Variants in RAB11FIP5 observed in about 807,000 individuals in gnomAD.
RAB11FIP5 encodes RAB11 family interacting protein 5.
In RAB11FIP5, 48 loss-of-function variants were observed where a neutral mutation model predicts 85.1. That is an observed-to-expected ratio of 0.56 (90% CI 0.45 to 0.72). RAB11FIP5 has a LOEUF of 0.72. RAB11FIP5 is among the 30% of genes least tolerant of loss of function. The pLI, the probability that RAB11FIP5 is intolerant of heterozygous loss-of-function variation, is 0.00. For synonymous variants in RAB11FIP5, 729 were observed against 727.3 expected, an observed-to-expected ratio of 1.00 and a Z score of -0.04; for missense variants, 1,491 against 1,687.0, an observed-to-expected ratio of 0.88 and a Z score of 2.04.
rs1416834150 is a variant in RAB11FIP5 at position 73,079,931 on chromosome 2, G to C, written c.3301C>G (p.Pro1101Ala). 3 of 1,232,224 alleles carry C rather than the reference G, an allele frequency of 2.4e-6. No individual in the cohort carries two copies. In the African/African-American group the frequency reaches 4.7e-5, roughly 19 times the overall value. 76.3% of individuals were successfully genotyped at this position (1,232,224 alleles called of 1,614,324 possible). A position where few individuals can be genotyped will look rare whatever the true frequency, so the allele number is the denominator to read the frequency against. Residue 1101 changes from proline (P) to alanine (A), a missense_variant, in exon 4 of 6, where the codon CCA (proline) becomes GCA (alanine). Around this residue, in one of 3 missense-constraint regions of RAB11FIP5, gnomAD observed 48 missense variants for 89.9 expected, o/e 0.53. Transcript: ENST00000486777. ...HSGPEELPTP[P>A]EPDFPPPPLP... ...GGGGGCGGTGGAAAGTCAGGCTCTG[G>C]GGGAGTGGGCAGCTCTTCTGGACCA...
rs754181912 is a variant in RAB11FIP5, at chr2:73,089,240, C to G, written c.507G>C (p.Thr169=). 7 of 1,614,042 alleles carry G rather than the reference C, an allele frequency of 4.3e-6. No homozygotes were observed. The highest frequency in any genetic ancestry group is 5.9e-6 in the Non-Finnish European group (7 of 1,180,042). ...ACATACTGGCGCTCAGGTTGTTGCG[C>G]GTGAACTGGATGGTGACTTCAATCT... ...RGEIEVTIQF[T]RNNLSASMFD... The change falls in exon 2 of 6, where the codon ACG becomes ACC. Residue 169 remains threonine, a synonymous_variant. Transcript: ENST00000486777. The surrounding 1 kb of genome is among the most constrained non-coding windows in gnomAD (Gnocchi z 4.6).
intron 1 of RAB11FIP5, among the ~76,000 whole-genome samples, chr2:73,099,682 A>C (rs1353232260): frequency 6.6e-6 from 1 of 152,190 alleles, no homozygotes. Context: ...AGAGAAACAA[A>C]AACAGCCACA....
At chr2:73,104,524 C>T (rs181355701) in intron 1 of RAB11FIP5, among the ~76,000 whole-genome samples, 3 of 152,320 alleles carry the variant, frequency 2.0e-5, no homozygotes, top group Non-Finnish European at 4.4e-5. Context: ...GCCAAGATCA[C>T]ACCATTGCAC....
intron 1 of RAB11FIP5, among the ~76,000 whole-genome samples, chr2:73,109,321 C>T (rs1157470740): frequency 6.6e-6 from 1 of 152,180 alleles, no homozygotes; most frequent in African/African-American, 2.4e-5. Context: ...CCCCAGCCAC[C>T]ACCATCACAC....
At position 73,089,272 on chromosome 2, in the gene RAB11FIP5, G is replaced by T. The variant is rs145897178; in HGVS notation, c.475C>A (p.Arg159Ser). The T allele has an allele frequency of 3.7e-6, 6 of 1,614,020 alleles. No homozygotes were observed. Among genetic ancestry groups the T allele is most frequent in the Non-Finnish European group, 5.1e-6 (6 of 1,180,036 alleles). The change falls in exon 2 of 6, where the codon CGC becomes AGC. Residue 159 changes from arginine (R) to serine (S), a missense_variant. Physicochemically the swap from Arg to Ser is moderately radical, Grantham distance 110. Coordinates refer to ENST00000486777, the MANE Select transcript of RAB11FIP5 (RefSeq NM_001371272.1). The surrounding 1 kb of genome is among the most constrained non-coding windows in gnomAD (Gnocchi z 4.6). ...TGGATGGTGACTTCAATCTCGCCGC[G>T]TTCCTTCTCCTTCTTGCCTGGCTTG... ...HSKPGKKEKE[R>S]GEIEVTIQFT...
rs1683832260 is a variant in RAB11FIP5, at chr2:73,075,387, A to G, written c.*134T>C. On this transcript the variant is annotated 3_prime_UTR_variant, in exon 6 of 6. Coordinates refer to ENST00000486777, the MANE Select transcript of RAB11FIP5 (RefSeq NM_001371272.1). The surrounding 1 kb of genome is among the most constrained non-coding windows in gnomAD (Gnocchi z 4.6). ...GGCCCCCTTCCAGCAGCCCCAGTTG[A>G]GGCAGGAGGGAGAGGAGCAAGGAGT... The G allele has an allele frequency of 1.1e-6, 1 of 928,574 alleles. No homozygotes were observed. Among genetic ancestry groups the G allele is most frequent in the Admixed American group, 1.8e-5 (1 of 54,990 alleles). The allele number at this position is 928,574 out of a possible 1,614,324, so 57.5% of individuals were successfully genotyped here. A position where few individuals can be genotyped will look rare whatever the true frequency, so the allele number is the denominator to read the frequency against.
chr2:73,098,835 C>T (rs1426550868), intron 1 of RAB11FIP5, among the ~76,000 whole-genome samples: 2 of 152,146 alleles, frequency 1.3e-5, no homozygotes, highest in African/African-American at 2.4e-5. Context: ...ATTTTTGCAA[C>T]AGTAGTACAG....
At chr2:73,100,883 C>A (rs916386843) in intron 1 of RAB11FIP5, among the ~76,000 whole-genome samples, 1 of 152,142 alleles carries the variant, frequency 6.6e-6, no homozygotes, top group African/African-American at 2.4e-5. Flanking sequence ...CAGCTCACTG[C>A]AACCTACGCC....
At chr2:73,091,806 C>CCG (rs1684217972) in intron 1 of RAB11FIP5, among the ~76,000 whole-genome samples, 1 of 152,208 alleles carries the variant, frequency 6.6e-6, no homozygotes, top group Admixed American at 6.5e-5. Flanking sequence ...TGGAGACCTA[C>CCG]TCCGCAGCCT....
In RAB11FIP5 at chr2:73,073,545, A is replaced by G. The variant is rs1200803730; in HGVS notation, c.*1976T>C. The G allele has an allele frequency of 6.6e-6, 1 of 152,496 alleles. No individual in the cohort carries two copies. The highest frequency in any genetic ancestry group is 1.5e-5 in the Non-Finnish European group (1 of 68,062). 9.4% of individuals were successfully genotyped at this position (152,496 alleles called of 1,614,324 possible). Reference sequence around the variant, plus strand: ...TCCAAGTGTGGCTAGGAGAAGAAACATCAACAAGGACCCTGGGCTTCGATT... The same window carrying G: ...TCCAAGTGTGGCTAGGAGAAGAAACGTCAACAAGGACCCTGGGCTTCGATT... On this transcript the variant is annotated 3_prime_UTR_variant, in exon 6 of 6. Transcript: ENST00000486777.
intron 4 of RAB11FIP5, 63 bp downstream of exon 4, chr2:73,079,588 G>A: frequency 8.1e-7 from 1 of 1,232,056 alleles, no homozygotes; most frequent in Non-Finnish European, 1.0e-6. Context: ...TCAGTCCCTT[G>A]GGCTGTTCTG....
rs1683851861 is a variant in RAB11FIP5 at position 73,075,982 on chromosome 2, C to T, written c.3771+11G>A. The stretch of plus-strand genomic sequence containing the variant: ...TCTGTCAGATGGCCCCCACACCCTG[C>T]TGGGCCTTACCTTCAGCCTTTTGGT... On this transcript the variant is annotated intron_variant, in intron 5 of 5. Transcript: ENST00000486777. The surrounding 1 kb of genome is among the most constrained non-coding windows in gnomAD (Gnocchi z 4.6). The T allele has an allele frequency of 6.2e-7, 1 of 1,608,242 alleles. No homozygotes were observed.
At position 73,075,470 on chromosome 2, in the gene RAB11FIP5, G is replaced by A. The variant is rs2106098847; in HGVS notation, c.*51C>T. ...ATGAGAGAGTTCAGGAGGAGAGAGG[G>A]CAGGCAGCAATAGGTCCATGCCAAC... On this transcript the variant is annotated 3_prime_UTR_variant, in exon 6 of 6. Transcript: ENST00000486777. The surrounding 1 kb of genome is among the most constrained non-coding windows in gnomAD (Gnocchi z 4.6). 6.5e-7 allele frequency: 1 copy of A among 1,544,802 alleles called. No homozygotes were observed. The highest frequency in any genetic ancestry group is 9.0e-7 in the Non-Finnish European group (1 of 1,116,794).
At chr2:73,095,139 A>G (rs1295608754) in intron 1 of RAB11FIP5, among the ~76,000 whole-genome samples, 2 of 152,136 alleles carry the variant, frequency 1.3e-5, no homozygotes, top group Non-Finnish European at 2.9e-5. Flanking sequence ...TGTCAGGGGC[A>G]CCATCTGGGG....
At position 73,088,101 on chromosome 2, in the gene RAB11FIP5, T is replaced by C. The variant is rs1459476515; in HGVS notation, c.1517A>G (p.Lys506Arg). The C allele has an allele frequency of 6.2e-7, 1 of 1,613,000 alleles. No individual in the cohort carries two copies. ...HHSSSGEEKA[K>R]SSWFGLREAK... Reference sequence around the variant, plus strand: ...TTCTCTCAAGCCAAACCAGCTACTCTTGGCCTTTTCCTCCCCACTGGATGA... The same window carrying C: ...TTCTCTCAAGCCAAACCAGCTACTCCTGGCCTTTTCCTCCCCACTGGATGA... Residue 506 changes from lysine (K) to arginine (R), a missense_variant, in exon 3 of 6, where the codon AAG becomes AGG. Around this residue, in one of 3 missense-constraint regions of RAB11FIP5, gnomAD observed 1,211 missense variants for 1,338.0 expected, o/e 0.91. Coordinates refer to ENST00000486777, the MANE Select transcript of RAB11FIP5 (RefSeq NM_001371272.1).
At chr2:73,083,434 G>C (rs1408454827) in intron 3 of RAB11FIP5, among the ~76,000 whole-genome samples, 2 of 152,124 alleles carry the variant, frequency 1.3e-5, no homozygotes, top group African/African-American at 4.8e-5. Context: ...TCAGTTTCCC[G>C]AGAGTCTCCT....
chr2:73,108,331 C>T (rs1336711089), intron 1 of RAB11FIP5, among the ~76,000 whole-genome samples: 2 of 152,200 alleles, frequency 1.3e-5, no homozygotes, highest in African/African-American at 2.4e-5. Flanking sequence ...CCCAGGATGA[C>T]GATCCTGTCT....
intron 3 of RAB11FIP5, among the ~76,000 whole-genome samples, chr2:73,082,074 T>G (rs999993688): frequency 2.0e-5 from 3 of 151,148 alleles, no homozygotes; most frequent in Non-Finnish European, 4.4e-5. Context: ...TAGAGTCTCT[T>G]GCCCAGGCTG....
chr2:73,082,097 G>A (rs958391341), intron 3 of RAB11FIP5, among the ~76,000 whole-genome samples: 10 of 147,680 alleles, frequency 6.8e-5, no homozygotes, highest in South Asian at 2.1e-4. Context: ...GTGCAGTGGC[G>A]CGATCTTGGC....
Sources: gnomAD v4.1 joint callset for allele counts (sites outside exome capture counted in the v4.1 genomes callset) on GRCh38, gnomAD v4.1.1 for gene constraint, gnomAD v4.1.1 regional missense constraint, Gnocchi (gnomAD v3.1) non-coding constraint, MANE v1.5 for transcripts, NCBI Gene and HGNC (gene_info 2026-07-23, HGNC 2026-07-21) for gene names.